CD8B2: variants seen among roughly 807,000 people sequenced by gnomAD.
The protein encoded by CD8B2 is T-cell surface glycoprotein CD8 beta-2 chain.
In CD8B2, 11 loss-of-function variants were observed where a neutral mutation model predicts 23.7. The ratio of observed to expected loss-of-function variants is 0.46; its 90% CI spans 0.29 to 0.77. The LOEUF is 0.77. Ranked by LOEUF, CD8B2 falls within the 30% of genes least tolerant of loss-of-function variation. The pLI is 0.09. For synonymous variants in CD8B2, 90 were observed against 109.3 expected, an observed-to-expected ratio of 0.82 and a Z score of 1.10; for missense variants, 197 against 270.5, an observed-to-expected ratio of 0.73 and a Z score of 1.91.
intron 5 of CD8B2, among the ~76,000 whole-genome samples, chr2:106,530,351 A>G (rs1393086917): frequency 6.6e-6 from 1 of 152,102 alleles, no homozygotes; most frequent in African/African-American, 2.4e-5. Flanking sequence ...TTTGCCTAAC[A>G]TTGTGAGAAG....
At position 106,527,169 on chromosome 2, in the gene CD8B2, C is replaced by A. The variant is rs181311908; in HGVS notation, c.621-16823C>A. ...ACTGCTGGACTATTCTCTAAAGTTG[C>A]ACCATTTTACATTCCCACCAGGAAT... is the stretch of plus-strand genomic sequence containing the variant. On this transcript the variant is annotated intron_variant, in intron 5 of 5. Transcript: ENST00000416057. Among the ~76,000 whole-genome samples, 3 of 152,258 alleles carry A rather than the reference C, an allele frequency of 2.0e-5. No individual in the cohort carries two copies. In the East Asian group the frequency reaches 5.8e-4, roughly 29 times the overall value.
At chr2:106,495,838 G>A (rs551866945) in intron 2 of CD8B2, among the ~76,000 whole-genome samples, 10 of 152,276 alleles carry the variant, frequency 6.6e-5, no homozygotes, top group East Asian at 5.8e-4. Flanking sequence ...TTGCTCTGTC[G>A]CCCAAGCCAG....
At chr2:106,491,920 G>C (rs1207053672) in intron 2 of CD8B2, among the ~76,000 whole-genome samples, 1 of 152,156 alleles carries the variant, frequency 6.6e-6, no homozygotes, top group South Asian at 2.1e-4. Flanking sequence ...CGAAGCTACG[G>C]CTGGATTGGG....
At chr2:106,514,551 T>C (rs1182278120), downstream of CD8B2, among the ~76,000 whole-genome samples, 1 of 151,824 alleles carries the variant, frequency 6.6e-6, no homozygotes, top group Non-Finnish European at 1.5e-5. Flanking sequence ...CCTCCCAAAG[T>C]GCTGAGATTT....
intron 2 of CD8B2, among the ~76,000 whole-genome samples, chr2:106,493,052 C>G (rs1224903776): frequency 6.6e-6 from 1 of 152,146 alleles, no homozygotes; most frequent in African/African-American, 2.4e-5. Context: ...ACCGCACTCA[C>G]TCCTGACTTC....
rs187166012 is a variant in CD8B2, at chr2:106,504,943, G to A, written c.620+618G>A. 7.6e-3 allele frequency among the ~76,000 whole-genome samples: 1,154 copies of A among 152,242 alleles called. 11 individuals are homozygous for A. The highest frequency in any genetic ancestry group is 0.013 in the South Asian group (65 of 4,826). ...AGGAGCTGCCTTTGTCCCACCTGCC[G>A]CCCTCGACCCCATCTGGGTCCCAGG... On this transcript the variant is annotated intron_variant, in intron 5 of 5. Transcript: ENST00000643224.
rs56235435 is a variant in CD8B2, at chr2:106,524,830, C to A, written c.621-19162C>A. 7.4e-3 allele frequency among the ~76,000 whole-genome samples: 1,125 copies of A among 152,252 alleles called. 7 individuals are homozygous for A. Among genetic ancestry groups the A allele is most frequent in the Non-Finnish European group, 0.011 (724 of 68,014 alleles). On this transcript the variant is annotated intron_variant, in intron 5 of 5. Coordinates refer to the CD8B2 transcript ENST00000416057. ...TCCCCACCAGGCTGCACATGGGAATCCCCTGGAAAACTGGGTGCCTCTGCC... is the reference window on the plus strand; with the variant it reads ...TCCCCACCAGGCTGCACATGGGAATACCCTGGAAAACTGGGTGCCTCTGCC...
intron 5 of CD8B2, among the ~76,000 whole-genome samples, chr2:106,516,907 T>A (rs1311995980): frequency 2.0e-5 from 3 of 148,484 alleles, no homozygotes; most frequent in Non-Finnish European, 4.5e-5. Flanking sequence ...ATTTTTATTA[T>A]AATATATGAA....
chr2:106,523,891 A>G (rs1679867196), intron 5 of CD8B2, among the ~76,000 whole-genome samples: 1 of 152,110 alleles, frequency 6.6e-6, no homozygotes, highest in Non-Finnish European at 1.5e-5. Context: ...CATTGTCTAG[A>G]TGTGGTGATC....
chr2:106,498,423 C>T (rs1428963068), intron 3 of CD8B2, among the ~76,000 whole-genome samples: 1 of 152,312 alleles, frequency 6.6e-6, no homozygotes, highest in East Asian at 1.9e-4. Context: ...GCTGGGATTA[C>T]AGGCGTGAGC....
intron 5 of CD8B2, among the ~76,000 whole-genome samples, chr2:106,533,083 G>C (rs1464717004): frequency 6.6e-6 from 1 of 152,208 alleles, no homozygotes; most frequent in East Asian, 1.9e-4. Context: ...AAGGATGGGA[G>C]GGTCTTAATT....
At chr2:106,491,947 T>G (rs577399310) in intron 2 of CD8B2, among the ~76,000 whole-genome samples, 1 of 152,144 alleles carries the variant, frequency 6.6e-6, no homozygotes, top group South Asian at 2.1e-4. Flanking sequence ...CCCTTGGCCT[T>G]ATAGTGGTGT....
chr2:106,490,044 C>A (rs1470843938), intron 1 of CD8B2, among the ~76,000 whole-genome samples: 5 of 151,996 alleles, frequency 3.3e-5, no homozygotes, highest in Admixed American at 3.3e-4. Flanking sequence ...GAATACGGAT[C>A]CAGTGACCCA....
At chr2:106,533,763 C>T (rs898778767) in intron 5 of CD8B2, among the ~76,000 whole-genome samples, 3 of 152,162 alleles carry the variant, frequency 2.0e-5, no homozygotes, top group Admixed American at 6.5e-5. Context: ...AAGTCCTACC[C>T]TTGGTTGAAT....
downstream of CD8B2, among the ~76,000 whole-genome samples, chr2:106,512,495 T>G (rs1204274181): frequency 6.6e-6 from 1 of 151,950 alleles, no homozygotes; most frequent in East Asian, 1.9e-4. Context: ...GTGTGTACAG[T>G]GCTCTGTTGC....
At chr2:106,541,048 G>T (rs1180409235) in intron 5 of CD8B2, among the ~76,000 whole-genome samples, 1 of 152,140 alleles carries the variant, frequency 6.6e-6, no homozygotes, top group Non-Finnish European at 1.5e-5. Context: ...GAAGAGTTTT[G>T]CAGAGAGCTG....
chr2:106,538,440 T>C lies in CD8B2; in HGVS notation c.621-5552T>C, dbSNP rs528740612. ...TCAGAAGTAGCTTTCTTGGCTTGTT[T>C]CATAAGATCTTAGGACTTGAGCATC... On this transcript the variant is annotated intron_variant, in intron 5 of 5. Coordinates refer to the CD8B2 transcript ENST00000416057. Among the ~76,000 whole-genome samples the C allele has an allele frequency of 7.2e-5, 11 of 152,332 alleles. No homozygotes were observed. In the East Asian group the frequency reaches 1.9e-3, roughly 27 times the overall value.
At chr2:106,491,868 G>A (rs1679203722) in intron 2 of CD8B2, among the ~76,000 whole-genome samples, 2 of 152,086 alleles carry the variant, frequency 1.3e-5, no homozygotes, top group Non-Finnish European at 2.9e-5. Context: ...TCTTCTTATG[G>A]GGACAGGGCA....
chr2:106,525,733 T>A (rs1007417291), intron 5 of CD8B2, among the ~76,000 whole-genome samples: 4 of 152,224 alleles, frequency 2.6e-5, no homozygotes, highest in African/African-American at 9.6e-5. Context: ...TATGGCCTTT[T>A]GTGACTGGCT....
Sources: allele counts gnomAD v4.1 joint callset (sites outside exome capture counted in the v4.1 genomes callset), GRCh38; gene constraint gnomAD v4.1.1; transcripts MANE v1.5; gene names NCBI Gene and HGNC (gene_info 2026-07-23, HGNC 2026-07-21).